Variants in STK24 observed in about 807,000 individuals in gnomAD.
STK24 encodes serine/threonine-protein kinase 24.
Under a neutral mutation model 55.6 loss-of-function variants are expected in STK24, and 21 were observed. That is an observed-to-expected ratio of 0.38 (90% confidence interval 0.27 to 0.54). STK24 has a LOEUF of 0.54. Ranked by LOEUF, STK24 falls within the 20% of genes least tolerant of loss-of-function variation. The pLI is 0.79. For synonymous variants in STK24, 200 were observed against 215.2 expected, an observed-to-expected ratio of 0.93 and a Z score of 0.62; for missense variants, 383 against 538.4, an observed-to-expected ratio of 0.71 and a Z score of 2.86.
chr13:98,461,003 G>T (rs1408295695), intron 8 of STK24, among the ~76,000 whole-genome samples: 5 of 150,706 alleles, frequency 3.3e-5, no homozygotes, highest in Non-Finnish European at 4.4e-5. Flanking sequence ...AGCTCTGATG[G>T]CACCACTGCA....
In STK24 at chr13:98,457,305, C is replaced by A; in HGVS notation, c.1123-1G>T. On this transcript the variant is annotated splice_acceptor_variant, in intron 9 of 10. Coordinates refer to ENST00000539966, the MANE Select transcript of STK24 (RefSeq NM_001032296.4). LOFTEE classifies it high-confidence loss of function. The stretch of plus-strand genomic sequence containing the variant: ...CGCACGCCTGGCTCTTCTCCTTCAA[C>A]TGAAAACACACGAACAGGAAGAATG... The A allele has an allele frequency of 6.2e-7, 1 of 1,614,060 alleles. No homozygotes were observed. Among genetic ancestry groups the A allele is most frequent in the Non-Finnish European group, 8.5e-7 (1 of 1,180,028 alleles).
At chr13:98,459,970 CAT>C (rs1310783638) in intron 9 of STK24, among the ~76,000 whole-genome samples, 1 of 152,214 alleles carries the variant, frequency 6.6e-6, no homozygotes, top group Admixed American at 6.5e-5. Flanking sequence ...TTCAGTGAAA[CAT>C]GTGGCTCAGG....
intron 2 of STK24, among the ~76,000 whole-genome samples, chr13:98,495,831 C>T (rs1895234526): frequency 6.6e-6 from 1 of 152,226 alleles, no homozygotes; most frequent in South Asian, 2.1e-4. Context: ...TTTGTTTCGT[C>T]GTTGCTGATG....
intron 1 of STK24, among the ~76,000 whole-genome samples, chr13:98,545,104 ACTAC>A (rs1388593539): frequency 6.6e-6 from 1 of 152,224 alleles, no homozygotes; most frequent in African/African-American, 2.4e-5. Context: ...AAAGCTGCAA[ACTAC>A]CTAGGTAGAC....
chr13:98,464,646 C>G (rs764340992), intron 6 of STK24, among the ~76,000 whole-genome samples: 30 of 151,478 alleles, frequency 2.0e-4, no homozygotes, highest in Non-Finnish European at 4.3e-4. Context: ...CAGGCCTGCA[C>G]CACCACACCA....
chr13:98,516,659 A>G (rs1335418102), intron 2 of STK24, among the ~76,000 whole-genome samples: 1 of 152,102 alleles, frequency 6.6e-6, no homozygotes, highest in Admixed American at 6.6e-5. Flanking sequence ...TTCTCCCCCA[A>G]CGCTGACTTA....
intron 1 of STK24, chr13:98,521,720 CAT>C: frequency 2.6e-6 from 2 of 770,924 alleles, no homozygotes; most frequent in Middle Eastern, 2.3e-4. Context: ...TATAATGAAA[CAT>C]ACCCCGTTTT....
rs1295100387 is a variant in STK24, at chr13:98,451,503, T to G, written c.*1670A>C. 6.6e-6 allele frequency: 1 copy of G among 152,154 alleles called. No individual in the cohort carries two copies. Among genetic ancestry groups the G allele is most frequent in the Non-Finnish European group, 1.5e-5 (1 of 68,046 alleles). The allele number at this position is 152,154 out of a possible 1,614,324, so 9.4% of individuals were successfully genotyped here. On this transcript the variant is annotated 3_prime_UTR_variant, in exon 11 of 11. Transcript: ENST00000539966. ...ATCCACTTCTAATAAAATACCTCAA[T>G]TTTAGAGCTTAAAAACCAGACTGCA...
intron 2 of STK24, among the ~76,000 whole-genome samples, chr13:98,517,559 G>A (rs1315898906): frequency 6.6e-6 from 1 of 152,160 alleles, no homozygotes; most frequent in African/African-American, 2.4e-5. Context: ...GAACCCGGGA[G>A]GCGGAGGGGG....
chr13:98,514,815 T>C (rs1895999049), intron 2 of STK24, among the ~76,000 whole-genome samples: 1 of 152,356 alleles, frequency 6.6e-6, no homozygotes, highest in East Asian at 1.9e-4. Context: ...ATTTTAAGAC[T>C]TGTGAATTTT....
chr13:98,481,155 G>A (rs1894565661), intron 3 of STK24, among the ~76,000 whole-genome samples: 1 of 152,142 alleles, frequency 6.6e-6, no homozygotes, highest in Admixed American at 6.5e-5. Context: ...GCCACAGCGG[G>A]GATGAGACAG....
chr13:98,485,704 C>T (rs1472937037), intron 2 of STK24, among the ~76,000 whole-genome samples: 3 of 152,206 alleles, frequency 2.0e-5, no homozygotes, highest in Admixed American at 2.0e-4. Context: ...ACAAGGACAG[C>T]TTGGAGGTTA....
At position 98,572,185 on chromosome 13, in the gene STK24, C is replaced by T. The variant is rs191439920; in HGVS notation, c.42+4560G>A. On this transcript the variant is annotated intron_variant, in intron 1 of 10. Coordinates refer to ENST00000539966, the MANE Select transcript of STK24 (RefSeq NM_001032296.4). ...AAGCAGGCAGCCGACCTCTTGAGGA[C>T]AGGATGGACTGAGGCTCTGAACTCT... Among the ~76,000 whole-genome samples, 11 of 152,328 alleles carry T rather than the reference C, an allele frequency of 7.2e-5. No individual in the cohort carries two copies. The East Asian group carries it at 1.2e-3, about 16-fold the overall frequency.
At chr13:98,498,436 CCAGGACCT>C (rs1308609163) in intron 2 of STK24, among the ~76,000 whole-genome samples, 1 of 152,210 alleles carries the variant, frequency 6.6e-6, no homozygotes, top group Non-Finnish European at 1.5e-5. Flanking sequence ...AAAAGCAAAG[CCAGGACCT>C]CATCCTGTGA....
At chr13:98,567,653 C>G (rs1256398972) in intron 1 of STK24, among the ~76,000 whole-genome samples, 2 of 152,162 alleles carry the variant, frequency 1.3e-5, no homozygotes, top group African/African-American at 2.4e-5. Context: ...GGCACAATCT[C>G]ATGATGAAGA....
chr13:98,518,267 T>C (rs1896138171), intron 2 of STK24, among the ~76,000 whole-genome samples: 1 of 152,136 alleles, frequency 6.6e-6, no homozygotes, highest in Non-Finnish European at 1.5e-5. Flanking sequence ...CACCTTACTG[T>C]ATTTCTACAA....
chr13:98,544,145 G>C (rs1175512334), intron 1 of STK24, among the ~76,000 whole-genome samples: 1 of 152,162 alleles, frequency 6.6e-6, no homozygotes, highest in Non-Finnish European at 1.5e-5. Flanking sequence ...AATAAAACTA[G>C]GAACTACTCT....
chr13:98,460,908 C>T (rs1015108277), intron 8 of STK24, among the ~76,000 whole-genome samples: 8 of 151,646 alleles, frequency 5.3e-5, no homozygotes, highest in East Asian at 1.9e-4. Flanking sequence ...ATAAACTGGG[C>T]GTGATGTCAC....
chr13:98,504,455 A>G (rs1895608651), intron 2 of STK24, among the ~76,000 whole-genome samples: 1 of 152,238 alleles, frequency 6.6e-6, no homozygotes, highest in Non-Finnish European at 1.5e-5. Flanking sequence ...TAGTCTCTCA[A>G]ACACTAGCAC....
Sources: allele counts gnomAD v4.1 joint callset (sites outside exome capture counted in the v4.1 genomes callset), GRCh38; gene constraint gnomAD v4.1.1; transcripts MANE v1.5; gene names NCBI Gene and HGNC (gene_info 2026-07-23, HGNC 2026-07-21).